Variants in PLGRKT observed in about 807,000 individuals in gnomAD.
PLGRKT encodes the protein plasminogen receptor (KT).
In PLGRKT, 22 loss-of-function variants were observed where a neutral mutation model predicts 18.5. That is an observed-to-expected ratio of 1.19 (90% CI 0.85 to 1.70). The LOEUF is 1.70. Among genes scored for constraint, PLGRKT ranks in the 40% most tolerant of loss-of-function variants. The pLI, the probability that PLGRKT is intolerant of heterozygous loss-of-function variation, is 0.00. For synonymous variants in PLGRKT, 72 were observed against 52.8 expected, an observed-to-expected ratio of 1.36 and a Z score of -1.58; for missense variants, 235 against 174.4, an observed-to-expected ratio of 1.35 and a Z score of -1.96.
intron 3 of PLGRKT, among the ~76,000 whole-genome samples, chr9:5,394,984 C>G (rs1347579431): frequency 6.6e-6 from 1 of 151,628 alleles, no homozygotes; most frequent in Non-Finnish European, 1.5e-5. Context: ...AGCAAGGCTA[C>G]CCAAGCTATC....
chr9:5,411,456 A>G (rs891172685), intron 3 of PLGRKT, among the ~76,000 whole-genome samples: 8 of 152,098 alleles, frequency 5.3e-5, no homozygotes, highest in African/African-American at 1.4e-4. Flanking sequence ...ACATGAACCA[A>G]TTCTTGGGTA....
At chr9:5,367,969 C>A (rs1263082211) in intron 3 of PLGRKT, among the ~76,000 whole-genome samples, 2 of 152,058 alleles carry the variant, frequency 1.3e-5, no homozygotes, top group South Asian at 2.1e-4. Flanking sequence ...ATATGCTTGG[C>A]CAACAAGCAT....
intron 3 of PLGRKT, among the ~76,000 whole-genome samples, chr9:5,386,612 G>T (rs546500703): frequency 2.0e-5 from 3 of 151,874 alleles, no homozygotes; most frequent in Non-Finnish European, 4.4e-5. Context: ...AGGCCAAAGA[G>T]AAATGTGACT....
intron 3 of PLGRKT, among the ~76,000 whole-genome samples, chr9:5,387,674 G>T (rs988514532): frequency 1.3e-5 from 2 of 151,762 alleles, no homozygotes; most frequent in African/African-American, 2.4e-5. Context: ...TCCTGCGGGG[G>T]GGCTGGGAAT....
At chr9:5,417,161 C>A (rs1363056453) in intron 3 of PLGRKT, among the ~76,000 whole-genome samples, 2 of 152,230 alleles carry the variant, frequency 1.3e-5, no homozygotes, top group Admixed American at 1.3e-4. Flanking sequence ...CAGTAAAGGT[C>A]AAGATGCACT....
At chr9:5,403,587 G>A (rs540698527) in intron 3 of PLGRKT, among the ~76,000 whole-genome samples, 6 of 152,308 alleles carry the variant, frequency 3.9e-5, no homozygotes, top group East Asian at 1.9e-4. Flanking sequence ...AAGGATAAAG[G>A]CAACGATAAG....
At chr9:5,414,164 G>C (rs1366930888) in intron 3 of PLGRKT, among the ~76,000 whole-genome samples, 1 of 152,084 alleles carries the variant, frequency 6.6e-6, no homozygotes, top group African/African-American at 2.4e-5. Flanking sequence ...ATTTCTTGGA[G>C]TGTATCTTTT....
In PLGRKT at chr9:5,361,771, A is replaced by G. The variant is rs1817270969; in HGVS notation, c.199T>C (p.Ser67Pro). 6.2e-7 allele frequency: 1 copy of G among 1,610,708 alleles called. No individual in the cohort carries two copies. The change falls in exon 4 of 6, where the codon TCT (serine) becomes CCT (proline). Residue 67 changes from serine (S) to proline (P), a missense_variant. Ser to Pro is a moderately conservative substitution (Grantham distance 74). Coordinates refer to ENST00000223864, the MANE Select transcript of PLGRKT (RefSeq NM_018465.4). ...FGTFFGLAAISLTAGAIKKKK... is the reference protein window; with the variant it reads ...FGTFFGLAAIPLTAGAIKKKK... The stretch of plus-strand genomic sequence containing the variant: ...TAGCAAACATACCCAGCTGTTAAAG[A>G]GATGGCTGCAAGGCCAAAAAAAGTT...
At chr9:5,403,273 G>C (rs1388956800) in intron 3 of PLGRKT, among the ~76,000 whole-genome samples, 1 of 149,878 alleles carries the variant, frequency 6.7e-6, no homozygotes, top group Non-Finnish European at 1.5e-5. Context: ...GCCCAAGCTG[G>C]AGTACAATGG....
intron 3 of PLGRKT, among the ~76,000 whole-genome samples, chr9:5,394,619 G>A (rs1007049043): frequency 6.6e-6 from 1 of 151,700 alleles, no homozygotes; most frequent in Admixed American, 6.6e-5. Flanking sequence ...CACCATGTTG[G>A]TCAGGCTGGT....
At chr9:5,433,694 G>A (rs1320588110) in intron 2 of PLGRKT, among the ~76,000 whole-genome samples, 10 of 132,314 alleles carry the variant, frequency 7.6e-5, no homozygotes, top group African/African-American at 2.9e-5. Context: ...TGCCCCGTCT[G>A]GGAAGTGAGG....
At chr9:5,417,722 G>A (rs1057490047) in intron 3 of PLGRKT, among the ~76,000 whole-genome samples, 3 of 150,216 alleles carry the variant, frequency 2.0e-5, no homozygotes, top group African/African-American at 4.9e-5. Flanking sequence ...TAATAAACAC[G>A]TAGGATCTCT....
chr9:5,426,170 A>G (rs1011490682), intron 3 of PLGRKT, among the ~76,000 whole-genome samples: 1 of 152,114 alleles, frequency 6.6e-6, no homozygotes, highest in Admixed American at 6.6e-5. Context: ...GCCCAGCCTT[A>G]GCTATTTGGG....
intron 3 of PLGRKT, among the ~76,000 whole-genome samples, chr9:5,366,990 A>G (rs1817402732): frequency 6.6e-6 from 1 of 150,582 alleles, no homozygotes; most frequent in South Asian, 2.1e-4. Flanking sequence ...CAAATCAAGA[A>G]TGCAATCCCA....
chr9:5,360,562 C>G (rs929690449), intron 5 of PLGRKT, among the ~76,000 whole-genome samples: 1 of 152,168 alleles, frequency 6.6e-6, no homozygotes, highest in African/African-American at 2.4e-5. Flanking sequence ...TTGGCAACAA[C>G]AGATTTCCAT....
chr9:5,393,932 A>T (rs1437380110), intron 3 of PLGRKT, among the ~76,000 whole-genome samples: 3 of 151,884 alleles, frequency 2.0e-5, no homozygotes, highest in African/African-American at 4.9e-5. Flanking sequence ...TAAAAACTAT[A>T]CCCAGATTTT....
rs376055000 is a variant in PLGRKT at position 5,433,301 on chromosome 9, C to T, written c.-6-1318G>A. On this transcript the variant is annotated intron_variant, in intron 2 of 5. Coordinates refer to ENST00000223864, the MANE Select transcript of PLGRKT (RefSeq NM_018465.4). ...GAAGTAAGGAGTGTCTCTGCCTGAC[C>T]GCCCGTTGTCTGGGATGTGAGGAGC... Among the ~76,000 whole-genome samples, 8 of 150,258 alleles carry T rather than the reference C, an allele frequency of 5.3e-5. No homozygotes were observed. The South Asian group carries it at 6.3e-4, about 12-fold the overall frequency.
In PLGRKT at chr9:5,396,544, C is replaced by A. The variant is rs759255516; in HGVS notation, c.82-34656G>T. On this transcript the variant is annotated intron_variant, in intron 3 of 5. Transcript: ENST00000223864. ...TCCTAACCTCAGGTGATCTGCCCAC[C>A]TCAGCCTCGCAAAGTGCTGGAATTA... 3.9e-5 allele frequency among the ~76,000 whole-genome samples: 6 copies of A among 151,954 alleles called. 1 individual carries two copies. Among genetic ancestry groups the A allele is most frequent in the Non-Finnish European group, 5.9e-5 (4 of 68,042 alleles).
At chr9:5,402,527 G>C (rs1318767405) in intron 3 of PLGRKT, among the ~76,000 whole-genome samples, 1 of 151,900 alleles carries the variant, frequency 6.6e-6, no homozygotes, top group Non-Finnish European at 1.5e-5. Flanking sequence ...GACTCCTGCT[G>C]GGAACCACAC....
Sources: gnomAD v4.1 joint callset for allele counts (sites outside exome capture counted in the v4.1 genomes callset) on GRCh38, gnomAD v4.1.1 for gene constraint, MANE v1.5 for transcripts, NCBI Gene and HGNC (gene_info 2026-07-23, HGNC 2026-07-21) for gene names.